The following MTUS2 variants were observed in gnomAD, a reference collection of about 807,000 sequenced individuals.
The protein encoded by MTUS2 is microtubule-associated tumor suppressor candidate 2.
MTUS2 carries 40 observed loss-of-function variants against 114.1 expected under a neutral mutation model. The ratio of observed to expected loss-of-function variants is 0.35; its 90% CI spans 0.27 to 0.46. The LOEUF is 0.46. Ranked by LOEUF, MTUS2 falls within the 20% of genes least tolerant of loss-of-function variation. The probability of loss-of-function intolerance (pLI) is 1.00; values close to 1 mark genes in which losing one functional copy is unlikely to be tolerated. For synonymous variants in MTUS2, 688 were observed against 672.0 expected (o/e 1.02, Z -0.37); for missense variants, 1,679 against 1,705.4 (o/e 0.98, Z 0.27).
chr13:29,340,169 A>C (rs1593323016), intron 7 of MTUS2, among the ~76,000 whole-genome samples: 1 of 152,018 alleles, frequency 6.6e-6, no homozygotes, highest in Non-Finnish European at 1.5e-5. Flanking sequence ...GCAGCGGGGG[A>C]GGGCAGCACC....
chr13:29,040,248 T>C (rs1566316984), intron 4 of MTUS2, among the ~76,000 whole-genome samples: 1 of 152,236 alleles, frequency 6.6e-6, no homozygotes, highest in Non-Finnish European at 1.5e-5. Context: ...GTTACTTCGC[T>C]TAGAATAATG....
At chr13:28,928,167 A>C (rs1881425688) in intron 2 of MTUS2, among the ~76,000 whole-genome samples, 2 of 152,186 alleles carry the variant, frequency 1.3e-5, no homozygotes. Flanking sequence ...AATGTTGCAT[A>C]AATATAGCAG....
intron 9 of MTUS2, among the ~76,000 whole-genome samples, chr13:29,468,536 G>C (rs568119517): frequency 6.6e-6 from 1 of 151,690 alleles, no homozygotes; most frequent in Non-Finnish European, 1.5e-5. Flanking sequence ...AGTTGAGATT[G>C]CATCACTGCA....
At chr13:29,367,986 T>C (rs1010026357) in intron 8 of MTUS2, among the ~76,000 whole-genome samples, 2 of 148,860 alleles carry the variant, frequency 1.3e-5, no homozygotes, top group African/African-American at 5.0e-5. Context: ...TCACCCAGGC[T>C]GGACGGCAGT....
chr13:28,890,508 C>CTT (rs1267275435), intron 2 of MTUS2, among the ~76,000 whole-genome samples: 1 of 152,120 alleles, frequency 6.6e-6, no homozygotes, highest in Non-Finnish European at 1.5e-5. Context: ...ATAATAATCT[C>CTT]TGTCTCCTAG....
At chr13:29,141,689 A>C (rs1008896426) in intron 5 of MTUS2, among the ~76,000 whole-genome samples, 7 of 152,188 alleles carry the variant, frequency 4.6e-5, no homozygotes, top group African/African-American at 1.7e-4. Context: ...AATAAACGTT[A>C]ATGAGTCAAG....
intron 11 of MTUS2, 120 bp from the exon 12 acceptor site, chr13:29,492,526 A>C (rs923892942): frequency 2.9e-6 from 2 of 693,838 alleles, no homozygotes; most frequent in African/African-American, 1.8e-5. Flanking sequence ...TTAGGCTTGA[A>C]TCTGCTATAC....
chr13:28,867,130 G>A (rs1593257109), intron 2 of MTUS2, among the ~76,000 whole-genome samples: 1 of 152,296 alleles, frequency 6.6e-6, no homozygotes, highest in East Asian at 1.9e-4. Flanking sequence ...GAGAATGTAA[G>A]CTGGTCTAAT....
At chr13:29,491,672 TTG>T (rs372093121) in intron 11 of MTUS2, among the ~76,000 whole-genome samples, 10 of 137,508 alleles carry the variant, frequency 7.3e-5, no homozygotes, top group Middle Eastern at 4.9e-3. Flanking sequence ...GTGTATGCGA[TTG>T]TGTGTGGTGT....
chr13:29,137,910 G>GA (rs922675257), intron 5 of MTUS2, among the ~76,000 whole-genome samples: 15 of 151,870 alleles, frequency 9.9e-5, no homozygotes, highest in Non-Finnish European at 1.6e-4. Flanking sequence ...TCCCAAAAGA[G>GA]AAAAAAATGA....
At position 29,505,910 on chromosome 13, in the gene MTUS2, T is replaced by C. The variant is rs1883210329; in HGVS notation, c.*2704T>C. On this transcript the variant is annotated 3_prime_UTR_variant, in exon 16 of 16. Coordinates refer to ENST00000612955, the MANE Select transcript of MTUS2 (RefSeq NM_001033602.4). ...ACAGTTTGTGTTGCATATTTGTGTTTAAAGCCTATTAAAATAAACTTGAGG... is the reference window on the plus strand; with the variant it reads ...ACAGTTTGTGTTGCATATTTGTGTTCAAAGCCTATTAAAATAAACTTGAGG... 9.1e-6 allele frequency: 2 copies of C among 218,948 alleles called. No homozygotes were observed. The highest frequency in any genetic ancestry group is 4.5e-5 in the African/African-American group (2 of 44,462). The allele number at this position is 218,948 out of a possible 1,614,324, so 13.6% of individuals were successfully genotyped here. A position where few individuals can be genotyped will look rare whatever the true frequency, so the allele number is the denominator to read the frequency against.
intron 5 of MTUS2, among the ~76,000 whole-genome samples, chr13:29,225,674 A>G (rs541115624): frequency 9.2e-5 from 14 of 152,300 alleles, no homozygotes; most frequent in Non-Finnish European, 1.8e-4. Flanking sequence ...TAGCATCAAA[A>G]TGTTTTTACC....
chr13:28,925,408 A>T (rs1320266240), intron 2 of MTUS2, among the ~76,000 whole-genome samples: 1 of 152,244 alleles, frequency 6.6e-6, no homozygotes, highest in Non-Finnish European at 1.5e-5. Context: ...GTGGACATGT[A>T]ATCAATTTAA....
intron 9 of MTUS2, chr13:29,476,447 A>G (rs183654284): frequency 6.6e-6 from 1 of 152,366 alleles, no homozygotes; most frequent in African/African-American, 2.4e-5. Flanking sequence ...TCCTTCTATA[A>G]AAACATCTAA....
At chr13:29,168,972 G>C (rs192895450) in intron 5 of MTUS2, among the ~76,000 whole-genome samples, 1 of 150,070 alleles carries the variant, frequency 6.7e-6, no homozygotes, top group African/African-American at 2.4e-5. Flanking sequence ...GGTCAACTCT[G>C]CCCTTATATT....
At chr13:29,433,455 A>C (rs1877161557) in intron 8 of MTUS2, among the ~76,000 whole-genome samples, 1 of 152,188 alleles carries the variant, frequency 6.6e-6, no homozygotes, top group Admixed American at 6.5e-5. Context: ...AGTGTTAATT[A>C]TATGTGGAAG....
chr13:29,499,518 A>T (rs1290675789), intron 14 of MTUS2, among the ~76,000 whole-genome samples: 1 of 152,250 alleles, frequency 6.6e-6, no homozygotes, highest in Non-Finnish European at 1.5e-5. Context: ...ATAAACAAAA[A>T]ATAAGCAGAT....
rs370103459 is a variant in MTUS2 at position 29,363,579 on chromosome 13, A to G, written c.3117+4106A>G. Among the ~76,000 whole-genome samples the G allele has an allele frequency of 2.2e-4, 33 of 152,342 alleles. No individual in the cohort carries two copies. In the East Asian group the frequency reaches 6.2e-3, roughly 28 times the overall value. ...AAAAATTTAATATAGAATAGTGGAA[A>G]GAATAAAACCCAGATACCCCATAAT... On this transcript the variant is annotated intron_variant, in intron 8 of 15. Transcript: ENST00000612955.
At chr13:29,350,440 C>T (rs1338713914) in intron 7 of MTUS2, among the ~76,000 whole-genome samples, 1 of 150,232 alleles carries the variant, frequency 6.7e-6, no homozygotes, top group Non-Finnish European at 1.5e-5. Flanking sequence ...ATCTTCAAAG[C>T]AGTAATGGTG....
Sources: allele counts gnomAD v4.1 joint callset (sites outside exome capture counted in the v4.1 genomes callset), GRCh38; gene constraint gnomAD v4.1.1; transcripts MANE v1.5; gene names NCBI Gene and HGNC (gene_info 2026-07-23, HGNC 2026-07-21).